Variants in DLGAP2 observed in about 807,000 individuals in gnomAD.
The protein encoded by DLGAP2 is disks large-associated protein 2.
Under a neutral mutation model 100.3 loss-of-function variants are expected in DLGAP2, and 26 were observed. That is an observed-to-expected ratio of 0.26 (90% CI 0.19 to 0.36). DLGAP2 has a LOEUF of 0.36. DLGAP2 is among the 10% of genes least tolerant of loss of function. DLGAP2 has a pLI of 1.00. For missense variants in DLGAP2, 1,858 were observed against 1,453.2 expected (o/e 1.28, Z -4.53); for synonymous variants, 886 against 630.1 (o/e 1.41, Z -6.08).
chr8:1,270,231 T>A (rs1799552859), intron 3 of DLGAP2, among the ~76,000 whole-genome samples: 1 of 152,092 alleles, frequency 6.6e-6, no homozygotes, highest in South Asian at 2.1e-4. Context: ...ATATGAGAGC[T>A]GTGAACCGTA....
intron 2 of DLGAP2, among the ~76,000 whole-genome samples, chr8:917,258 C>G (rs985938337): frequency 7.5e-6 from 1 of 133,480 alleles, no homozygotes; most frequent in Non-Finnish European, 1.6e-5. Flanking sequence ...TTCCTTTCTT[C>G]CTGACAGTCT....
intron 1 of DLGAP2, among the ~76,000 whole-genome samples, chr8:808,473 C>T (rs1245541610): frequency 6.6e-6 from 1 of 152,152 alleles, no homozygotes; most frequent in African/African-American, 2.4e-5. Context: ...CATTCCACCC[C>T]AAAAGGGCGT....
At chr8:1,140,470 G>A (rs1796502417) in intron 2 of DLGAP2, among the ~76,000 whole-genome samples, 2 of 152,120 alleles carry the variant, frequency 1.3e-5, no homozygotes, top group Non-Finnish European at 2.9e-5. Context: ...GGTGCCCTTC[G>A]GAGGCCCCTG....
chr8:1,039,158 G>A (rs750162173), intron 2 of DLGAP2, among the ~76,000 whole-genome samples: 1 of 76,412 alleles, frequency 1.3e-5, no homozygotes, highest in Admixed American at 1.6e-4. Context: ...GTGGAAATGC[G>A]TGGTCAGCTC....
At chr8:1,556,068 A>T (rs1324067545) in intron 5 of DLGAP2, among the ~76,000 whole-genome samples, 1 of 152,134 alleles carries the variant, frequency 6.6e-6, no homozygotes, top group Non-Finnish European at 1.5e-5. Context: ...GGATGCAGAG[A>T]CCTCATGGTG....
intron 6 of DLGAP2, among the ~76,000 whole-genome samples, chr8:1,590,424 G>A (rs956382470): frequency 7.9e-5 from 12 of 152,098 alleles, no homozygotes; most frequent in East Asian, 1.9e-4. Flanking sequence ...TTTCTCTTCC[G>A]GAATGTATGG....
intron 3 of DLGAP2, among the ~76,000 whole-genome samples, chr8:1,327,235 C>G (rs144351533): frequency 1.3e-5 from 2 of 152,354 alleles, no homozygotes; most frequent in East Asian, 3.9e-4. Flanking sequence ...TAAGGCTGAG[C>G]TAAGTGACCA....
At chr8:1,116,700 C>T (rs1387730516) in intron 2 of DLGAP2, among the ~76,000 whole-genome samples, 3 of 151,920 alleles carry the variant, frequency 2.0e-5, no homozygotes, top group African/African-American at 4.8e-5. Flanking sequence ...AGGAGGCTCT[C>T]AGAGGTGGAA....
intron 2 of DLGAP2, among the ~76,000 whole-genome samples, chr8:1,176,971 C>T (rs368867268): frequency 2.0e-5 from 3 of 152,182 alleles, no homozygotes; most frequent in Non-Finnish European, 4.4e-5. Context: ...AGTCACGGTT[C>T]ACACAAGCGG....
chr8:1,189,770 C>T (rs1797593981), intron 2 of DLGAP2, among the ~76,000 whole-genome samples: 1 of 152,154 alleles, frequency 6.6e-6, no homozygotes, highest in Non-Finnish European at 1.5e-5. Flanking sequence ...CAGATACAGC[C>T]GCCTGCCTGG....
At chr8:1,683,555 C>G (rs913074521) in intron 12 of DLGAP2, among the ~76,000 whole-genome samples, 3 of 150,972 alleles carry the variant, frequency 2.0e-5, no homozygotes, top group Non-Finnish European at 4.4e-5. Flanking sequence ...AATGAAGTGG[C>G]CACATTTGAC....
intron 1 of DLGAP2, among the ~76,000 whole-genome samples, chr8:833,797 A>T (rs1048526957): frequency 1.3e-5 from 2 of 152,186 alleles, no homozygotes; most frequent in African/African-American, 4.8e-5. Context: ...TTTTACCATG[A>T]ATTTAGACAA....
intron 6 of DLGAP2, among the ~76,000 whole-genome samples, chr8:1,615,427 A>G (rs1378889322): frequency 6.6e-6 from 1 of 152,190 alleles, no homozygotes; most frequent in Non-Finnish European, 1.5e-5. Flanking sequence ...CATGAAACCC[A>G]CCTGCAAGGA....
At chr8:765,234 C>G (rs1453936798) in intron 1 of DLGAP2, among the ~76,000 whole-genome samples, 1 of 152,044 alleles carries the variant, frequency 6.6e-6, no homozygotes, top group African/African-American at 2.4e-5. Flanking sequence ...CAAAAAAACC[C>G]TAATATGAGC....
intron 4 of DLGAP2, among the ~76,000 whole-genome samples, chr8:1,539,067 G>A (rs1801260834): frequency 6.6e-6 from 1 of 152,022 alleles, no homozygotes. Flanking sequence ...TGTATTTTTA[G>A]TAGAGATGGG....
intron 2 of DLGAP2, among the ~76,000 whole-genome samples, chr8:985,191 A>G (rs1800450539): frequency 6.6e-6 from 1 of 152,210 alleles, no homozygotes; most frequent in African/African-American, 2.4e-5. Flanking sequence ...TCCAGAGGAA[A>G]GAGAAATCAG....
intron 5 of DLGAP2, among the ~76,000 whole-genome samples, chr8:1,552,476 G>A (rs940163067): frequency 3.3e-5 from 5 of 152,174 alleles, no homozygotes; most frequent in Non-Finnish European, 7.3e-5. Flanking sequence ...CAACCTCCTC[G>A]GGCTGTTTCT....
chr8:956,876 G>T (rs1799609628), intron 2 of DLGAP2, among the ~76,000 whole-genome samples: 1 of 152,300 alleles, frequency 6.6e-6, no homozygotes, highest in Non-Finnish European at 1.5e-5. Flanking sequence ...ACTTGCTTCT[G>T]TCATTTCTTA....
At chr8:1,561,653 C>T (rs1223754519) in intron 5 of DLGAP2, among the ~76,000 whole-genome samples, 8 of 152,164 alleles carry the variant, frequency 5.3e-5, no homozygotes. Context: ...CCGTGACCCA[C>T]AGGGGCCTGC....
Sources: allele counts gnomAD v4.1 joint callset (sites outside exome capture counted in the v4.1 genomes callset), GRCh38; gene constraint gnomAD v4.1.1; transcripts MANE v1.5; gene names NCBI Gene and HGNC (gene_info 2026-07-23, HGNC 2026-07-21).